ADGRL3: variants seen among roughly 807,000 people sequenced by gnomAD.
ADGRL3 encodes the protein calcium-independent alpha-latrotoxin receptor 3.
In ADGRL3, 62 loss-of-function variants were observed where a neutral mutation model predicts 153.5. The observed-to-expected ratio is 0.40, with a 90% confidence interval of 0.33 to 0.50. ADGRL3 has a LOEUF of 0.50. ADGRL3 is among the 20% of genes least tolerant of loss of function. The pLI is 0.47. For synonymous variants in ADGRL3, 710 were observed against 672.5 expected, an observed-to-expected ratio of 1.06 and a Z score of -0.86; for missense variants, 1,641 against 1,859.4, an observed-to-expected ratio of 0.88 and a Z score of 2.16.
intron 1 of ADGRL3, among the ~76,000 whole-genome samples, chr4:61,289,507 A>T (rs1208632079): frequency 6.6e-6 from 1 of 152,070 alleles, no homozygotes; most frequent in Non-Finnish European, 1.5e-5. Flanking sequence ...TGTATCTGGC[A>T]ATAATGTATG....
At chr4:61,803,040 G>A (rs552239204) in intron 8 of ADGRL3, among the ~76,000 whole-genome samples, 2 of 152,006 alleles carry the variant, frequency 1.3e-5, no homozygotes, top group African/African-American at 2.4e-5. Flanking sequence ...ATTTCTATTC[G>A]CTAGTGGTAT....
intron 5 of ADGRL3, among the ~76,000 whole-genome samples, chr4:61,614,187 A>G (rs2091730450): frequency 6.6e-6 from 1 of 152,204 alleles, no homozygotes; most frequent in South Asian, 2.1e-4. Context: ...GTATACTGGA[A>G]AATTCAAAGG....
At chr4:61,841,668 G>C (rs1561339318) in intron 9 of ADGRL3, among the ~76,000 whole-genome samples, 1 of 152,112 alleles carries the variant, frequency 6.6e-6, no homozygotes, top group Non-Finnish European at 1.5e-5. Context: ...CAAAATTGTA[G>C]AATGAATTTT....
chr4:61,250,156 A>T (rs540347204), intron 1 of ADGRL3, among the ~76,000 whole-genome samples: 1 of 152,290 alleles, frequency 6.6e-6, no homozygotes, highest in African/African-American at 2.4e-5. Context: ...TCACTCTTTG[A>T]AGTGGAAAAG....
intron 6 of ADGRL3, among the ~76,000 whole-genome samples, chr4:61,721,697 C>A (rs1258607164): frequency 1.3e-5 from 2 of 152,194 alleles, no homozygotes; most frequent in African/African-American, 2.4e-5. Flanking sequence ...TTTACATGCA[C>A]AGTCACTTTC....
At chr4:61,648,148 A>T (rs2094109971) in intron 5 of ADGRL3, among the ~76,000 whole-genome samples, 1 of 152,086 alleles carries the variant, frequency 6.6e-6, no homozygotes, top group Non-Finnish European at 1.5e-5. Flanking sequence ...AGCTGTACCA[A>T]AGCTAGGTGA....
chr4:61,642,502 A>C (rs2093729530), intron 5 of ADGRL3, among the ~76,000 whole-genome samples: 2 of 152,136 alleles, frequency 1.3e-5, no homozygotes, highest in African/African-American at 2.4e-5. Flanking sequence ...AGCTTTCTAC[A>C]TGTGGCTAGC....
intron 9 of ADGRL3, among the ~76,000 whole-genome samples, chr4:61,889,592 T>A (rs1042262352): frequency 6.6e-6 from 1 of 152,142 alleles, no homozygotes; most frequent in Admixed American, 6.5e-5. Flanking sequence ...AGAAAAAAAA[T>A]AAAGAACATT....
rs148714388 is a variant in ADGRL3 at position 61,209,824 on chromosome 4, T to C, written c.-240+8059T>C. On this transcript the variant is annotated intron_variant, in intron 1 of 26. Coordinates refer to ENST00000683033, the MANE Select transcript of ADGRL3 (RefSeq NM_001387552.1). ...TTTAAATTAAATGCCCTATTATCTTTTCACATGTCAATCATTCTTTAAGCT... is the reference window on the plus strand; with the variant it reads ...TTTAAATTAAATGCCCTATTATCTTCTCACATGTCAATCATTCTTTAAGCT... Among the ~76,000 whole-genome samples the C allele has an allele frequency of 2.7e-3, 418 of 152,324 alleles. 8 individuals carry two copies. The highest frequency in any genetic ancestry group is 0.019 in the Admixed American group (296 of 15,306).
chr4:62,043,204 T>A (rs1729328123), intron 24 of ADGRL3, among the ~76,000 whole-genome samples: 1 of 152,142 alleles, frequency 6.6e-6, no homozygotes, highest in South Asian at 2.1e-4. Flanking sequence ...TGTGATAATT[T>A]GACTAATCTG....
chr4:61,878,920 A>G (rs1561405267), intron 9 of ADGRL3, among the ~76,000 whole-genome samples: 1 of 152,190 alleles, frequency 6.6e-6, no homozygotes, highest in Non-Finnish European at 1.5e-5. Context: ...GCCATCTACA[A>G]TTATGATTCC....
chr4:61,311,638 A>AT (rs2095016772), intron 1 of ADGRL3, among the ~76,000 whole-genome samples: 1 of 152,210 alleles, frequency 6.6e-6, no homozygotes, highest in African/African-American at 2.4e-5. Context: ...ATCATTTAAA[A>AT]TTGAGAAGCT....
At chr4:61,602,236 A>G (rs916739260) in intron 5 of ADGRL3, among the ~76,000 whole-genome samples, 1 of 152,088 alleles carries the variant, frequency 6.6e-6, no homozygotes, top group Non-Finnish European at 1.5e-5. Flanking sequence ...AGTAAGTCCA[A>G]CGAAAAGCCT....
At chr4:61,701,430 A>AT (rs71664995) in intron 6 of ADGRL3, among the ~76,000 whole-genome samples, 25,955 of 104,688 alleles carry the variant, frequency 0.25, 4,613 homozygotes, top group East Asian at 0.46. Flanking sequence ...TAAAGGTACA[A>AT]TTTTTTTTTT....
At chr4:61,535,226 A>T (rs1346251005) in intron 4 of ADGRL3, among the ~76,000 whole-genome samples, 1 of 152,044 alleles carries the variant, frequency 6.6e-6, no homozygotes, top group Non-Finnish European at 1.5e-5. Context: ...AATTTGGTGC[A>T]TGGAGTAAAT....
rs544384429 is a variant in ADGRL3 at position 61,811,773 on chromosome 4, C to A, written c.1400-2036C>A. 2.6e-5 allele frequency among the ~76,000 whole-genome samples: 4 copies of A among 152,064 alleles called. No individual in the cohort carries two copies. The South Asian group carries it at 8.3e-4, about 32-fold the overall frequency. Reference sequence around the variant, plus strand: ...CTGCCATTTCTCTATTGCCACTATTCTTTGGTATTAAAATGCACATGTATT... The same window carrying A: ...CTGCCATTTCTCTATTGCCACTATTATTTGGTATTAAAATGCACATGTATT... On this transcript the variant is annotated intron_variant, in intron 8 of 26. Transcript: ENST00000683033.
intron 9 of ADGRL3, among the ~76,000 whole-genome samples, chr4:61,852,795 C>T (rs954512010): frequency 1.3e-5 from 2 of 149,736 alleles, no homozygotes; most frequent in African/African-American, 4.9e-5. Flanking sequence ...ATAGAGGAAT[C>T]CTGAACTCAT....
chr4:62,034,818 G>T (rs1343720295), intron 23 of ADGRL3, among the ~76,000 whole-genome samples: 1 of 151,702 alleles, frequency 6.6e-6, no homozygotes, highest in Non-Finnish European at 1.5e-5. Context: ...CATTAAAGTG[G>T]TCACTTTTAC....
At chr4:61,531,927 T>C (rs1276286042) in intron 4 of ADGRL3, among the ~76,000 whole-genome samples, 1 of 152,214 alleles carries the variant, frequency 6.6e-6, no homozygotes, top group Non-Finnish European at 1.5e-5. Context: ...TGTAATACAA[T>C]GTCTGTGTTT....
Sources: gnomAD v4.1 joint callset for allele counts (sites outside exome capture counted in the v4.1 genomes callset) on GRCh38, gnomAD v4.1.1 for gene constraint, MANE v1.5 for transcripts, NCBI Gene and HGNC (gene_info 2026-07-23, HGNC 2026-07-21) for gene names.